The following NPAS3 variants were observed in gnomAD, a reference collection of about 807,000 sequenced individuals.
The protein encoded by NPAS3 is neuronal PAS domain protein 3, also known as neuronal PAS domain-containing protein 3.
NPAS3 carries 14 observed loss-of-function variants against 73.1 expected under a neutral mutation model. That is an observed-to-expected ratio of 0.19 (90% CI 0.13 to 0.30). NPAS3 has a LOEUF of 0.30. NPAS3 is among the 10% of genes least tolerant of loss of function. The pLI is 1.00. For missense variants in NPAS3, 1,096 were observed against 1,250.0 expected (o/e 0.88, Z 1.86); for synonymous variants, 620 against 541.5 (o/e 1.14, Z -2.01).
chr14:33,674,809 A>C (rs1257501815), intron 5 of NPAS3, among the ~76,000 whole-genome samples: 1 of 152,212 alleles, frequency 6.6e-6, no homozygotes, highest in Non-Finnish European at 1.5e-5. Flanking sequence ...TACCTATGTT[A>C]ACTGATAGAT....
intron 4 of NPAS3, among the ~76,000 whole-genome samples, chr14:33,441,958 C>G (rs530312660): frequency 1.3e-5 from 2 of 152,106 alleles, no homozygotes; most frequent in African/African-American, 4.8e-5. Flanking sequence ...GTGGGAATCA[C>G]GAAAGCTACA....
intron 1 of NPAS3, among the ~76,000 whole-genome samples, chr14:33,009,363 G>A (rs1388766726): frequency 1.3e-5 from 2 of 152,184 alleles, no homozygotes; most frequent in Non-Finnish European, 2.9e-5. Context: ...AGCTTCTTGA[G>A]AGAATTGTGT....
chr14:33,333,732 T>C (rs962604561), intron 3 of NPAS3, among the ~76,000 whole-genome samples: 1 of 152,118 alleles, frequency 6.6e-6, no homozygotes, highest in African/African-American at 2.4e-5. Context: ...ACATACTCAA[T>C]AAAAGTTACT....
intron 3 of NPAS3, among the ~76,000 whole-genome samples, chr14:33,228,561 G>A (rs2047723850): frequency 6.6e-6 from 1 of 152,054 alleles, no homozygotes; most frequent in Non-Finnish European, 1.5e-5. Flanking sequence ...GTTGTCATCA[G>A]GGATCCGAAA....
intron 1 of NPAS3, among the ~76,000 whole-genome samples, chr14:32,950,758 C>T (rs533105186): frequency 3.9e-5 from 6 of 152,148 alleles, no homozygotes; most frequent in South Asian, 2.1e-4. Context: ...GCCCTTTTTA[C>T]GATAGTGACA....
At chr14:33,505,014 T>C (rs1321350886) in intron 4 of NPAS3, among the ~76,000 whole-genome samples, 1 of 152,024 alleles carries the variant, frequency 6.6e-6, no homozygotes, top group Non-Finnish European at 1.5e-5. Context: ...GTAAATTGAA[T>C]GAGTATTTTA....
At chr14:33,623,390 A>G (rs1292614830) in intron 5 of NPAS3, among the ~76,000 whole-genome samples, 1 of 152,194 alleles carries the variant, frequency 6.6e-6, no homozygotes. Flanking sequence ...CACTGGAGGC[A>G]TATTTGACCA....
At chr14:33,388,893 T>A (rs1312839455) in intron 4 of NPAS3, among the ~76,000 whole-genome samples, 1 of 152,192 alleles carries the variant, frequency 6.6e-6, no homozygotes, top group Non-Finnish European at 1.5e-5. Context: ...CGTAAAGCCC[T>A]GTGGATTGTG....
At chr14:32,994,481 G>A (rs185435323) in intron 1 of NPAS3, among the ~76,000 whole-genome samples, 35 of 151,418 alleles carry the variant, frequency 2.3e-4, no homozygotes, top group Non-Finnish European at 4.9e-4. Flanking sequence ...TTTTCATGAT[G>A]GATGTTAATT....
chr14:33,521,399 G>T (rs1244814422), intron 4 of NPAS3, among the ~76,000 whole-genome samples: 2 of 151,714 alleles, frequency 1.3e-5, no homozygotes, highest in African/African-American at 2.4e-5. Flanking sequence ...CTGAATATGT[G>T]TGTGCTACGT....
At chr14:33,449,340 G>A (rs932826750) in intron 4 of NPAS3, among the ~76,000 whole-genome samples, 6 of 152,254 alleles carry the variant, frequency 3.9e-5, no homozygotes, top group Non-Finnish European at 8.8e-5. Context: ...CCCTCTGCCT[G>A]TTTTTATAAG....
At chr14:33,150,423 C>A (rs987132767) in intron 2 of NPAS3, among the ~76,000 whole-genome samples, 1 of 152,090 alleles carries the variant, frequency 6.6e-6, no homozygotes, top group Non-Finnish European at 1.5e-5. Flanking sequence ...TGGTAGGTTG[C>A]GCTGCATTTC....
intron 3 of NPAS3, among the ~76,000 whole-genome samples, chr14:33,284,741 T>G (rs2140080254): frequency 6.6e-6 from 1 of 150,482 alleles, no homozygotes; most frequent in South Asian, 2.1e-4. Context: ...GTCTACATAT[T>G]TCATATCTAT....
At chr14:33,538,790 T>TG (rs1217754967) in intron 4 of NPAS3, among the ~76,000 whole-genome samples, 1 of 152,140 alleles carries the variant, frequency 6.6e-6, no homozygotes, top group African/African-American at 2.4e-5. Flanking sequence ...TCCCCTGTAA[T>TG]GCAACCTTAA....
At chr14:33,420,006 A>G (rs952587901) in intron 4 of NPAS3, among the ~76,000 whole-genome samples, 4 of 151,990 alleles carry the variant, frequency 2.6e-5, no homozygotes, top group Non-Finnish European at 4.4e-5. Context: ...GGTATTTGTC[A>G]ACATTATCTG....
At chr14:32,969,289 A>G (rs1390426982) in intron 1 of NPAS3, among the ~76,000 whole-genome samples, 1 of 152,116 alleles carries the variant, frequency 6.6e-6, no homozygotes, top group Non-Finnish European at 1.5e-5. Context: ...TAAAAATGTC[A>G]GACCACATTC....
chr14:33,254,662 A>G (rs2048710393), intron 3 of NPAS3, among the ~76,000 whole-genome samples: 1 of 152,184 alleles, frequency 6.6e-6, no homozygotes, highest in Non-Finnish European at 1.5e-5. Context: ...AGCCGTTTAT[A>G]AAGTTATGTA....
chr14:33,161,760 T>A (rs940743701), intron 2 of NPAS3, among the ~76,000 whole-genome samples: 2 of 152,194 alleles, frequency 1.3e-5, no homozygotes, highest in African/African-American at 4.8e-5. Flanking sequence ...GAGGAGATAG[T>A]CAATGAGAGT....
At chr14:33,316,926 A>G (rs1464299906) in intron 3 of NPAS3, among the ~76,000 whole-genome samples, 1 of 152,106 alleles carries the variant, frequency 6.6e-6, no homozygotes, top group African/African-American at 2.4e-5. Flanking sequence ...TTATTCAAGC[A>G]AAGTATGGGA....
Sources: gnomAD v4.1 joint callset for allele counts (sites outside exome capture counted in the v4.1 genomes callset) on GRCh38, gnomAD v4.1.1 for gene constraint, MANE v1.5 for transcripts, NCBI Gene and HGNC (gene_info 2026-07-23, HGNC 2026-07-21) for gene names.